Variants in DOCK11 observed in about 807,000 individuals in gnomAD.
The protein encoded by DOCK11 is dedicator of cytokinesis protein 11.
A neutral mutation model predicts 169.1 loss-of-function variants in DOCK11; 70 were observed. The ratio of observed to expected loss-of-function variants is 0.41; its 90% CI spans 0.34 to 0.51. The LOEUF is 0.51. Ranked by LOEUF, DOCK11 falls within the 20% of genes least tolerant of loss-of-function variation. The pLI, the probability that DOCK11 is intolerant of heterozygous loss-of-function variation, is 0.10. For synonymous variants in DOCK11, 529 were observed against 541.3 expected, an observed-to-expected ratio of 0.98 and a Z score of 0.32; for missense variants, 1,166 against 1,538.8, an observed-to-expected ratio of 0.76 and a Z score of 4.05.
At chrX:118,613,808 C>G (rs1484782970) in intron 28 of DOCK11, among the ~76,000 whole-genome samples, 1 of 112,178 alleles carries the variant, frequency 8.9e-6, no homozygotes, top group African/African-American at 3.2e-5. Context: ...AGTGACAGAG[C>G]AAGACTCTGC....
chrX:118,664,187 T>TTGC (rs1436835968), intron 45 of DOCK11, among the ~76,000 whole-genome samples: 2 of 111,083 alleles, frequency 1.8e-5, no homozygotes, highest in Non-Finnish European at 3.8e-5. Flanking sequence ...AGATGCTGAT[T>TTGC]TGCTGGCTGT....
chrX:118,500,866 C>T (rs1390794756), intron 1 of DOCK11, among the ~76,000 whole-genome samples: 2 of 111,029 alleles, frequency 1.8e-5, no homozygotes, highest in Non-Finnish European at 3.8e-5. Flanking sequence ...TGGTCTCAAA[C>T]TCCTGAGCTC....
chrX:118,583,473 C>T (rs1371770865), intron 14 of DOCK11, among the ~76,000 whole-genome samples: 1 of 110,380 alleles, frequency 9.1e-6, no homozygotes, highest in Non-Finnish European at 1.9e-5. Context: ...GAAGTAGGAA[C>T]AATGGAGTTA....
At chrX:118,525,005 C>T (rs968128635) in intron 1 of DOCK11, among the ~76,000 whole-genome samples, 6 of 110,246 alleles carry the variant, frequency 5.4e-5, no homozygotes, top group African/African-American at 1.7e-4. Flanking sequence ...ATTAGCTGGG[C>T]GTGGTGGCGT....
At chrX:118,588,353 T>C (rs1157812467) in intron 17 of DOCK11, 32 bp downstream of exon 17, 3 of 1,156,367 alleles carry the variant, frequency 2.6e-6, no homozygotes, top group Admixed American at 5.3e-5. Context: ...TTTTGGAGTA[T>C]AAAATGTTAT....
chrX:118,636,442 T>C lies in DOCK11; in HGVS notation c.3953+30T>C. On this transcript the variant is annotated intron_variant, in intron 36 of 52. Coordinates refer to ENST00000276202, the MANE Select transcript of DOCK11 (RefSeq NM_144658.4). ...GTTATATTAATTTATCTTCATATAC[T>C]TTCCCCTTATTTGGGGAGAATTCAA... 2.5e-6 allele frequency: 2 copies of C among 805,344 alleles called. 1 individual carries two copies. The highest frequency in any genetic ancestry group is 3.4e-6 in the Non-Finnish European group (2 of 579,987). 66.4% of individuals were successfully genotyped at this position (805,344 alleles called of 1,213,427 possible). A position where few individuals can be genotyped will look rare whatever the true frequency, so the allele number is the denominator to read the frequency against.
At chrX:118,593,484 G>A (rs1476478473) in intron 20 of DOCK11, 147 bp downstream of exon 20, 5 of 525,629 alleles carry the variant, frequency 9.5e-6, no homozygotes, top group East Asian at 4.4e-5. Flanking sequence ...TGATAAAGAC[G>A]TACCAGAGAC....
chrX:118,673,438 C>A (rs1413170025), intron 46 of DOCK11, among the ~76,000 whole-genome samples: 1 of 111,546 alleles, frequency 9.0e-6, no homozygotes, highest in East Asian at 2.8e-4. Flanking sequence ...AGACACTGCA[C>A]TCCAGCCTTG....
intron 7 of DOCK11, among the ~76,000 whole-genome samples, chrX:118,562,586 T>G (rs2012947904): frequency 8.9e-6 from 1 of 112,205 alleles, no homozygotes; most frequent in Non-Finnish European, 1.9e-5. Flanking sequence ...TTGGCCTCAC[T>G]GTGCTTTCTA....
At chrX:118,599,833 ATAT>A (rs201593416) in intron 23 of DOCK11, among the ~76,000 whole-genome samples, 1,600 of 112,210 alleles carry the variant, frequency 0.014, 19 homozygotes, top group African/African-American at 0.049. Context: ...GTCTGAGGAA[ATAT>A]TATTTTAAAT....
Position 118,685,800 on chromosome X carries a change from A to T in DOCK11, c.6215A>T (p.Glu2072Val). Reference protein sequence around the residue: ...DRGYGSPRYAEV With the variant: ...DRGYGSPRYAVV The stretch of plus-strand genomic sequence containing the variant: ...GGTTATGGTTCCCCAAGATACGCTG[A>T]AGTGTGAGGAAATGCAGATGTACGT... Residue 2072 changes from glutamate to valine, a missense_variant, in exon 53 of 53, where the codon GAA becomes GTA. Transcript: ENST00000276202. 8.3e-7 allele frequency: 1 copy of T among 1,211,135 alleles called. No homozygotes were observed. Among genetic ancestry groups the T allele is most frequent in the Non-Finnish European group, 1.1e-6 (1 of 895,149 alleles).
chrX:118,509,469 G>T (rs777397261), intron 1 of DOCK11, among the ~76,000 whole-genome samples: 1 of 111,044 alleles, frequency 9.0e-6, no homozygotes, highest in Non-Finnish European at 1.9e-5. Flanking sequence ...TTACCATGTT[G>T]GTCAGGCTGG....
At chrX:118,614,178 A>G (rs1388389735) in intron 28 of DOCK11, among the ~76,000 whole-genome samples, 1 of 111,294 alleles carries the variant, frequency 9.0e-6, no homozygotes. Context: ...TGTCACAGAG[A>G]AGGGAGGTTT....
In DOCK11 at chrX:118,636,362, C is replaced by A; in HGVS notation, c.3903C>A (p.Tyr1301Ter). 1 of 1,098,840 alleles carries A rather than the reference C, an allele frequency of 9.1e-7. No individual in the cohort carries two copies. Among genetic ancestry groups the A allele is most frequent in the South Asian group, 2.1e-5 (1 of 48,112 alleles). The allele number at this position is 1,098,840 out of a possible 1,213,427, so 90.6% of individuals were successfully genotyped here. A position where few individuals can be genotyped will look rare whatever the true frequency, so the allele number is the denominator to read the frequency against. The change falls in exon 36 of 53, where the codon TAC becomes TAA. Residue 1301 changes from tyrosine to a stop codon, truncating the protein, a stop_gained. Coordinates refer to ENST00000276202, the MANE Select transcript of DOCK11 (RefSeq NM_144658.4). LOFTEE classifies it high-confidence loss of function. ...CATTTTCAGATACTCTCTTAACTTA[C>A]TGGAATAAAGTATCACCTCAGGAGC... ...KMISEDTLLT[Y>*]WNKVSPQELI...
At chrX:118,593,170 C>G in intron 19 of DOCK11, 44 bp from the exon 20 acceptor site, 1 of 1,167,441 alleles carries the variant, frequency 8.6e-7, no homozygotes, top group Non-Finnish European at 1.1e-6. Context: ...ACAGTTTCAG[C>G]TTGAGAAAAC....
intron 45 of DOCK11, 115 bp from the exon 46 acceptor site, chrX:118,670,908 C>T (rs1283641692): frequency 5.1e-6 from 3 of 591,985 alleles, no homozygotes; most frequent in South Asian, 6.4e-5. Context: ...TTGTGCATCT[C>T]ATTGAATTTA....
intron 41 of DOCK11, among the ~76,000 whole-genome samples, chrX:118,649,531 T>C (rs1329262786): frequency 9.0e-6 from 1 of 111,671 alleles, no homozygotes; most frequent in East Asian, 2.8e-4. Flanking sequence ...TTTTATTTTA[T>C]TTTTTGAGAC....
In DOCK11 at chrX:118,594,647, G is replaced by A. The variant is rs138352162; in HGVS notation, c.2263+1310G>A. ...AAACACAGATCTCATCTTCAGTGAG[G>A]ATATGATCTAGTAAGGGAAATGAGT... On this transcript the variant is annotated intron_variant, in intron 20 of 52. Coordinates refer to ENST00000276202, the MANE Select transcript of DOCK11 (RefSeq NM_144658.4). Among the ~76,000 whole-genome samples, 748 of 111,484 alleles carry A rather than the reference G, an allele frequency of 6.7e-3. 11 individuals are homozygous for A. The highest frequency in any genetic ancestry group is 0.023 in the African/African-American group (718 of 30,674).
intron 44 of DOCK11, among the ~76,000 whole-genome samples, chrX:118,656,323 T>G (rs1302118075): frequency 1.8e-5 from 2 of 111,362 alleles, no homozygotes; most frequent in African/African-American, 3.3e-5. Flanking sequence ...AAAAAGATTC[T>G]TCTTAAGTAA....
Sources: gnomAD v4.1 joint callset for allele counts (sites outside exome capture counted in the v4.1 genomes callset) on GRCh38, gnomAD v4.1.1 for gene constraint, MANE v1.5 for transcripts, NCBI Gene and HGNC (gene_info 2026-07-23, HGNC 2026-07-21) for gene names.